The following HELLS variants were observed in gnomAD, a reference collection of about 807,000 sequenced individuals.
The protein encoded by HELLS is lymphoid-specific helicase.
In HELLS, 32 loss-of-function variants were observed where a neutral mutation model predicts 120.0. That is an observed-to-expected ratio of 0.27 (90% CI 0.20 to 0.36). The LOEUF is 0.36. Ranked by LOEUF, HELLS falls within the 10% of genes least tolerant of loss-of-function variation. The pLI is 1.00. For synonymous variants in HELLS, 341 were observed against 323.4 expected (o/e 1.05, Z -0.58); for missense variants, 650 against 993.4 (o/e 0.65, Z 4.65).
At chr10:94,569,537 A>G (rs1340281964) in intron 6 of HELLS, 2 of 152,122 alleles carry the variant, frequency 1.3e-5, no homozygotes, top group Non-Finnish European at 2.9e-5. Context: ...TTGAAAGTCG[A>G]TGGGAATTCC....
At chr10:94,590,262 G>C in intron 13 of HELLS, 151 bp from the exon 14 acceptor site, 1 of 670,082 alleles carries the variant, frequency 1.5e-6, no homozygotes, top group Non-Finnish European at 2.4e-6. Context: ...AGATATTGTT[G>C]TCCATGTTAA....
rs182112568 is a variant in HELLS, at chr10:94,552,685, A to G, written c.154-1441A>G. On this transcript the variant is annotated intron_variant, in intron 2 of 21. Transcript: ENST00000348459. Reference sequence around the variant, plus strand: ...CTGGATTCATGTTACAGAATTGGTAATCTTGGTTGGGCATGGTGGCACATG... The same window carrying G: ...CTGGATTCATGTTACAGAATTGGTAGTCTTGGTTGGGCATGGTGGCACATG... Among the ~76,000 whole-genome samples, 5 of 152,284 alleles carry G rather than the reference A, an allele frequency of 3.3e-5. No homozygotes were observed. In the East Asian group the frequency reaches 7.7e-4, roughly 23 times the overall value.
intron 4 of HELLS, among the ~76,000 whole-genome samples, chr10:94,561,490 G>T (rs1182800686): frequency 6.6e-6 from 1 of 151,964 alleles, no homozygotes; most frequent in Non-Finnish European, 1.5e-5. Context: ...TTTTTTTAGA[G>T]GTGATGTCTC....
At chr10:94,570,446 G>A (rs556970298) in intron 6 of HELLS, 3 of 151,946 alleles carry the variant, frequency 2.0e-5, no homozygotes, top group East Asian at 3.9e-4. Flanking sequence ...ATACACACAC[G>A]ATATACATAT....
At chr10:94,576,847 A>T (rs758797988) in intron 10 of HELLS, 42 bp downstream of exon 10, 10 of 1,517,034 alleles carry the variant, frequency 6.6e-6, no homozygotes, top group Non-Finnish European at 8.9e-6. Flanking sequence ...TACATAAAAC[A>T]TGCTTTTCTT....
At chr10:94,558,071 A>G in intron 3 of HELLS, 68 bp from the exon 4 acceptor site, 2 of 1,515,628 alleles carry the variant, frequency 1.3e-6, no homozygotes, top group South Asian at 2.6e-5. Context: ...TTATTTGAGA[A>G]TTGATATGCG....
chr10:94,593,309 T>C lies in HELLS; in HGVS notation c.1972-190T>C, dbSNP rs531455032. Among the ~76,000 whole-genome samples the C allele has an allele frequency of 8.7e-4, 133 of 152,334 alleles. 4 individuals carry two copies. The South Asian group carries it at 0.027, about 31-fold the overall frequency. On this transcript the variant is annotated intron_variant, in intron 17 of 21. Coordinates refer to ENST00000348459, the MANE Select transcript of HELLS (RefSeq NM_018063.5). ...GTTTTTAACAAAATTAAGATCTCTT[T>C]AATATAGGTGCTTGGACGATAAAGC...
At chr10:94,603,774 C>T (rs1453553292), downstream of HELLS, among the ~76,000 whole-genome samples, 1 of 152,150 alleles carries the variant, frequency 6.6e-6, no homozygotes, top group African/African-American at 2.4e-5. Context: ...TCTTCCTTCC[C>T]TCATATTTCA....
At chr10:94,588,457 T>G in intron 13 of HELLS, 67 bp downstream of exon 13, 1 of 1,232,096 alleles carries the variant, frequency 8.1e-7, no homozygotes, top group African/African-American at 1.5e-5. Flanking sequence ...TTTCCCTTTT[T>G]TTTTGAGAGA....
chr10:94,585,093 G>A (rs1589748666), intron 12 of HELLS, among the ~76,000 whole-genome samples: 1 of 151,630 alleles, frequency 6.6e-6, no homozygotes, highest in Admixed American at 6.6e-5. Flanking sequence ...CATAAACCTT[G>A]CATAGTAAAA....
chr10:94,572,613 CT>C (rs1234227542), intron 7 of HELLS, among the ~76,000 whole-genome samples: 2 of 152,128 alleles, frequency 1.3e-5, no homozygotes, highest in Non-Finnish European at 2.9e-5. Context: ...CAGTTTGTGA[CT>C]TTTATGAGTA....
Position 94,555,312 on chromosome 10 carries a change from C to T in HELLS, c.276+1064C>T, listed in dbSNP as rs181767982. Reference sequence around the variant, plus strand: ...ATTAGCCGGTCATGGTGGTGTGTGCCTGTAAGCCCAGCTACTCAGAAGGCT... The same window carrying T: ...ATTAGCCGGTCATGGTGGTGTGTGCTTGTAAGCCCAGCTACTCAGAAGGCT... On this transcript the variant is annotated intron_variant, in intron 3 of 21. Coordinates refer to ENST00000348459, the MANE Select transcript of HELLS (RefSeq NM_018063.5). Among the ~76,000 whole-genome samples the T allele has an allele frequency of 2.7e-3, 416 of 152,240 alleles. 1 individual carries two copies. Among genetic ancestry groups the T allele is most frequent in the African/African-American group, 9.7e-3 (403 of 41,544 alleles).
chr10:94,598,137 C>G (rs555597254), intron 21 of HELLS, among the ~76,000 whole-genome samples: 2 of 151,906 alleles, frequency 1.3e-5, no homozygotes, highest in East Asian at 3.9e-4. Flanking sequence ...CAACATATTA[C>G]TGTCGTCTAG....
intron 3 of HELLS, among the ~76,000 whole-genome samples, chr10:94,555,370 G>C (rs1168547815): frequency 1.3e-5 from 2 of 152,140 alleles, no homozygotes; most frequent in Non-Finnish European, 2.9e-5. Flanking sequence ...CCAGGAGGCG[G>C]AGGTTGCAGT....
At chr10:94,565,108 G>T (rs1363565877) in intron 6 of HELLS, among the ~76,000 whole-genome samples, 1 of 152,196 alleles carries the variant, frequency 6.6e-6, no homozygotes, top group Admixed American at 6.5e-5. Context: ...AGGCTGAGGC[G>T]GGTGGATCCC....
intron 7 of HELLS, among the ~76,000 whole-genome samples, chr10:94,573,650 C>T (rs993945343): frequency 4.0e-5 from 6 of 151,522 alleles, no homozygotes; most frequent in African/African-American, 1.5e-4. Flanking sequence ...TTTTAGTAGA[C>T]ACAGGGTTTC....
At chr10:94,573,238 G>A (rs1008260192) in intron 7 of HELLS, among the ~76,000 whole-genome samples, 6 of 152,128 alleles carry the variant, frequency 3.9e-5, no homozygotes, top group Non-Finnish European at 7.3e-5. Flanking sequence ...GATTACAGGC[G>A]TGAGCCACCA....
At chr10:94,580,133 A>G (rs1844761793) in intron 10 of HELLS, among the ~76,000 whole-genome samples, 4 of 36,928 alleles carry the variant, frequency 1.1e-4, no homozygotes, top group African/African-American at 4.0e-4. Flanking sequence ...ATATATATAT[A>G]TATATATATA....
chr10:94,599,135 T>C (rs1016959141), intron 21 of HELLS, among the ~76,000 whole-genome samples: 5 of 152,240 alleles, frequency 3.3e-5, no homozygotes, highest in Non-Finnish European at 7.3e-5. Flanking sequence ...ATTATTTGCA[T>C]GTTTATTTGA....
Sources: allele counts gnomAD v4.1 joint callset (sites outside exome capture counted in the v4.1 genomes callset), GRCh38; gene constraint gnomAD v4.1.1; transcripts MANE v1.5; gene names NCBI Gene and HGNC (gene_info 2026-07-23, HGNC 2026-07-21).